Variants in CNBD1 observed in about 807,000 individuals in gnomAD.
CNBD1 encodes the protein cyclic nucleotide-binding domain-containing protein 1.
A neutral mutation model predicts 54.4 loss-of-function variants in CNBD1; 71 were observed. That is an observed-to-expected ratio of 1.30 (90% CI 1.08 to 1.59). The LOEUF (loss-of-function observed/expected upper bound fraction) is 1.59. Ranked by LOEUF, CNBD1 falls within the 40% of genes most tolerant of loss-of-function variation. CNBD1 has a pLI of 0.00. For missense variants in CNBD1, 659 were observed against 518.0 expected, an observed-to-expected ratio of 1.27 and a Z score of -2.64; for synonymous variants, 182 against 170.7, an observed-to-expected ratio of 1.07 and a Z score of -0.51.
rs182088223 is a variant in CNBD1 at position 87,347,341 on chromosome 8, A to T, written c.1043-4344A>T. ...TTTGTTTAATGTTGAGATTCTTGAG[A>T]ATATGCATTCTTCCAACAAATATTT... On this transcript the variant is annotated intron_variant, in intron 8 of 10. Coordinates refer to ENST00000518476, the MANE Select transcript of CNBD1 (RefSeq NM_173538.3). 3.8e-3 allele frequency among the ~76,000 whole-genome samples: 584 copies of T among 152,296 alleles called. 8 individuals carry two copies. The highest frequency in any genetic ancestry group is 0.013 in the African/African-American group (556 of 41,556).
chr8:86,873,399 C>T (rs1234182853), intron 1 of CNBD1, among the ~76,000 whole-genome samples: 1 of 151,798 alleles, frequency 6.6e-6, no homozygotes, highest in Non-Finnish European at 1.5e-5. Flanking sequence ...CCACACCTGG[C>T]CAAGACCCTG....
Position 86,888,616 on chromosome 8 carries a change from C to T in CNBD1, c.158+1005C>T, listed in dbSNP as rs565013676. Among the ~76,000 whole-genome samples, 14 of 152,186 alleles carry T rather than the reference C, an allele frequency of 9.2e-5. No homozygotes were observed. The East Asian group carries it at 1.4e-3, about 15-fold the overall frequency. On this transcript the variant is annotated intron_variant, in intron 2 of 10. Transcript: ENST00000518476. ...AAATGAGCCTAATATATGTAAATAG[C>T]GTCTGGCACATAGTAAGGGTTCCAG...
chr8:87,106,788 T>C (rs918842954), intron 4 of CNBD1, among the ~76,000 whole-genome samples: 1 of 152,152 alleles, frequency 6.6e-6, no homozygotes, highest in Non-Finnish European at 1.5e-5. Context: ...TTAATGTAGA[T>C]GTTCTCCACT....
chr8:87,236,957 C>T lies in CNBD1; in HGVS notation c.616C>T (p.Leu206=), dbSNP rs200993835. ...NDGFYVILKG[L]ARPQTNVYKN... ...TGGATTTTATGTAATACTGAAAGGC[C>T]TAGCTCGACCTCAAACAAACGTGTA... The change falls in exon 6 of 11, where the codon CTA becomes TTA. Residue 206 remains leucine, a synonymous_variant. Coordinates refer to ENST00000518476, the MANE Select transcript of CNBD1 (RefSeq NM_173538.3). The T allele has an allele frequency of 1.1e-5, 18 of 1,610,560 alleles. No individual in the cohort carries two copies. The highest frequency in any genetic ancestry group is 1.5e-5 in the Non-Finnish European group (18 of 1,177,980).
chr8:86,878,380 G>A (rs1300525540), intron 1 of CNBD1, among the ~76,000 whole-genome samples: 3 of 152,066 alleles, frequency 2.0e-5, no homozygotes, highest in African/African-American at 7.2e-5. Flanking sequence ...GTATGTTAAT[G>A]TTGAACACTT....
At chr8:87,266,258 G>T (rs921890990) in intron 6 of CNBD1, among the ~76,000 whole-genome samples, 2 of 151,286 alleles carry the variant, frequency 1.3e-5, no homozygotes, top group African/African-American at 2.4e-5. Flanking sequence ...AGAGCAAAAG[G>T]CTAAGAATAC....
Position 86,937,531 on chromosome 8 carries a change from G to C in CNBD1, c.273-2065G>C, listed in dbSNP as rs140721547. Among the ~76,000 whole-genome samples the C allele has an allele frequency of 3.4e-4, 52 of 152,280 alleles. 1 individual carries two copies. Among genetic ancestry groups the C allele is most frequent in the African/African-American group, 1.2e-3 (50 of 41,568 alleles). ...CAAGGCAGGTCCCTTCTGCCTATGA[G>C]ACTCTGAAATCTAGGCAGAGGTTCC... On this transcript the variant is annotated intron_variant, in intron 3 of 10. Coordinates refer to ENST00000518476, the MANE Select transcript of CNBD1 (RefSeq NM_173538.3).
intron 5 of CNBD1, among the ~76,000 whole-genome samples, chr8:87,210,673 T>A (rs1308661154): frequency 2.0e-5 from 3 of 152,162 alleles, no homozygotes; most frequent in Non-Finnish European, 4.4e-5. Context: ...CCATGTAGTG[T>A]TAAGCCTGTG....
intron 10 of CNBD1, among the ~76,000 whole-genome samples, chr8:87,375,884 C>CT (rs1233806339): frequency 4.0e-5 from 6 of 151,814 alleles, no homozygotes; most frequent in South Asian, 2.1e-4. Context: ...CTGTCTTTTC[C>CT]TTTTTTCAGG....
intron 8 of CNBD1, among the ~76,000 whole-genome samples, chr8:87,342,195 C>A (rs1810079079): frequency 6.6e-6 from 1 of 150,858 alleles, no homozygotes; most frequent in African/African-American, 2.5e-5. Flanking sequence ...ATGGCCAGAA[C>A]CCAGGAGGCA....
chr8:86,990,102 C>T (rs1350534238), intron 4 of CNBD1, among the ~76,000 whole-genome samples: 2 of 152,062 alleles, frequency 1.3e-5, no homozygotes, highest in African/African-American at 4.8e-5. Flanking sequence ...GTTATTAATC[C>T]CATGTCAGAT....
chr8:87,073,963 G>A (rs534157619), intron 4 of CNBD1, among the ~76,000 whole-genome samples: 131 of 152,130 alleles, frequency 8.6e-4, no homozygotes, highest in African/African-American at 2.9e-3. Context: ...TTAGCCAGGC[G>A]TGGTGGTGGG....
intron 4 of CNBD1, among the ~76,000 whole-genome samples, chr8:86,959,469 G>A (rs6415427): frequency 0.74 from 111,782 of 152,058 alleles, 42,381 homozygotes; most frequent in East Asian, 0.96. Context: ...CATTCTCCCC[G>A]TCACTTTCAG....
chr8:87,267,522 C>T (rs1180824672), intron 6 of CNBD1, among the ~76,000 whole-genome samples: 1 of 152,020 alleles, frequency 6.6e-6, no homozygotes, highest in African/African-American at 2.4e-5. Context: ...GAAATCGTAT[C>T]CATAGTCATA....
chr8:87,352,963 A>G (rs1327619776), intron 9 of CNBD1, among the ~76,000 whole-genome samples: 4 of 152,140 alleles, frequency 2.6e-5, no homozygotes, highest in African/African-American at 9.7e-5. Context: ...CCTGAGGGCT[A>G]TATTCTCTTT....
chr8:87,318,242 T>C (rs1159420681), intron 8 of CNBD1, among the ~76,000 whole-genome samples: 1 of 152,112 alleles, frequency 6.6e-6, no homozygotes, highest in Non-Finnish European at 1.5e-5. Flanking sequence ...CATGCTTCTT[T>C]GCATGCTTTG....
At chr8:87,232,497 C>A (rs938334922) in intron 5 of CNBD1, among the ~76,000 whole-genome samples, 3 of 152,016 alleles carry the variant, frequency 2.0e-5, no homozygotes, top group Non-Finnish European at 4.4e-5. Flanking sequence ...CAAATAAATG[C>A]GCTTATTCAA....
At chr8:87,144,691 T>C (rs565136015) in intron 4 of CNBD1, among the ~76,000 whole-genome samples, 14 of 151,972 alleles carry the variant, frequency 9.2e-5, no homozygotes, top group African/African-American at 3.4e-4. Flanking sequence ...CATGATGGCA[T>C]GCACCTGTAA....
intron 4 of CNBD1, among the ~76,000 whole-genome samples, chr8:87,105,261 T>A (rs1225234750): frequency 6.6e-6 from 1 of 152,196 alleles, no homozygotes. Context: ...TAAAACCACA[T>A]GTAATTTTTG....
Sources: gnomAD v4.1 joint callset for allele counts (sites outside exome capture counted in the v4.1 genomes callset) on GRCh38, gnomAD v4.1.1 for gene constraint, MANE v1.5 for transcripts, NCBI Gene and HGNC (gene_info 2026-07-23, HGNC 2026-07-21) for gene names.